The following MUC6 variants were observed in gnomAD, a reference collection of about 807,000 sequenced individuals.
MUC6 encodes the protein mucin 6, oligomeric mucus/gel-forming (gene/pseudogene), also known as mucin-6.
A neutral mutation model predicts 201.5 loss-of-function variants in MUC6; 188 were observed. That is an observed-to-expected ratio of 0.93 (90% CI 0.83 to 1.05). MUC6 has a LOEUF of 1.05. MUC6 is among the 50% of genes least tolerant of loss of function. The pLI is 0.00. For synonymous variants in MUC6, 1,228 were observed against 1,389.4 expected (o/e 0.88, Z 2.58); for missense variants, 2,706 against 3,256.9 (o/e 0.83, Z 4.12).
rs1177933332 is a variant in MUC6, at chr11:1,026,051, G to A, written c.2637C>T (p.Phe879=). Residue 879 remains phenylalanine, a synonymous_variant, in exon 21 of 33, where the codon TTC becomes TTT. Coordinates refer to ENST00000421673, the MANE Select transcript of MUC6 (RefSeq NM_005961.3). ...CGTCGAATACGAAGCGCTGGCCGTC[G>A]AAGGTGATGACGTGGCCCTCCCCGT... The part of the protein sequence containing the change: ...TLYGEGHVIT[F]DGQRFVFDGN... 5.0e-6 allele frequency: 8 copies of A among 1,593,488 alleles called. No homozygotes were observed. Among genetic ancestry groups the A allele is most frequent in the Admixed American group, 1.8e-5 (1 of 57,106 alleles).
rs138887092 is a variant in MUC6, at chr11:1,023,622, G to T, written c.3413C>A (p.Thr1138Lys). The T allele has an allele frequency of 3.1e-6, 5 of 1,612,964 alleles. No homozygotes were observed. The highest frequency in any genetic ancestry group is 3.3e-5 in the Admixed American group (2 of 60,024). ...PIYCGFYNTH[T>K]QDGHGEYQYT... is the part of the protein sequence containing the mutation. ...CTGGTACTCGCCATGGCCGTCCTGC[G>T]TGTGCGTGTTGTAGAAGCCGCAGTA... The change falls in exon 26 of 33, where the codon ACG (threonine) becomes AAG (lysine). Residue 1138 changes from threonine to lysine, a missense_variant. By Grantham distance (78) the Thr-to-Lys change is moderately conservative (BLOSUM62 -1). Transcript: ENST00000421673.
Position 1,026,136 on chromosome 11 carries a change from C to A in MUC6, c.2552G>T (p.Cys851Phe). The change falls in exon 21 of 33, where the codon TGC becomes TTC. Residue 851 changes from cysteine (C) to phenylalanine (F), a missense_variant. Coordinates refer to ENST00000421673, the MANE Select transcript of MUC6 (RefSeq NM_005961.3). ...CTGACAGGCCCACCTCCCCCTTGAGCAGGAGCTGTGGAGACAGCAGGTGTG... is the reference window on the plus strand; with the variant it reads ...CTGACAGGCCCACCTCCCCCTTGAGAAGGAGCTGTGGAGACAGCAGGTGTG... The part of the protein sequence containing the change: ...ELHTDCRTCS[C>F]SRGRWACQQG... 6.3e-7 allele frequency: 1 copy of A among 1,595,888 alleles called. No individual in the cohort carries two copies. The highest frequency in any genetic ancestry group is 8.5e-7 in the Non-Finnish European group (1 of 1,172,340).
In MUC6 at chr11:1,021,292, G is replaced by T; in HGVS notation, c.3527-15C>A. ...GTTGTAGCAGCCTAGGGTGGAGAAC[G>T]GCCAGGGTCTGTGTGACTGGTGGCC... On this transcript the variant is annotated splice_polypyrimidine_tract_variant and intron_variant, in intron 26 of 32. Transcript: ENST00000421673. 1 of 1,529,948 alleles carries T rather than the reference G, an allele frequency of 6.5e-7. No individual in the cohort carries two copies. Among genetic ancestry groups the T allele is most frequent in the Non-Finnish European group, 8.8e-7 (1 of 1,138,538 alleles). 94.8% of individuals were successfully genotyped at this position (1,529,948 alleles called of 1,614,324 possible).
intron 1 of MUC6, among the ~76,000 whole-genome samples, chr11:1,034,713 G>A (rs749499522): frequency 1.4e-4 from 22 of 152,320 alleles, no homozygotes; most frequent in Non-Finnish European, 1.8e-4. Flanking sequence ...TTCCGATGGG[G>A]GGTGGCACTT....
chr11:1,028,566 T>C, intron 13 of MUC6, 80 bp downstream of exon 13: 1 of 1,562,060 alleles, frequency 6.4e-7, no homozygotes, highest in East Asian at 2.4e-5. Flanking sequence ...GAACCTCTCT[T>C]GGACCTTTCT....
intron 1 of MUC6, among the ~76,000 whole-genome samples, chr11:1,034,299 G>C (rs1344439262): frequency 6.6e-6 from 1 of 152,238 alleles, no homozygotes; most frequent in Non-Finnish European, 1.5e-5. Flanking sequence ...TTTCTGATGG[G>C]TTGCACCTGG....
In MUC6 at chr11:1,030,617, A is replaced by G. The variant is rs1390845342; in HGVS notation, c.848T>C (p.Met283Thr). The G allele has an allele frequency of 2.6e-6, 4 of 1,540,254 alleles. No homozygotes were observed. Among genetic ancestry groups the G allele is most frequent in the Non-Finnish European group, 2.6e-6 (3 of 1,144,614 alleles). ...TLSEYSRQCS[M>T]VGQPVRRWRS... Reference sequence around the variant, plus strand: ...CCAGCGGCGGACCGGCTGGCCCACCATGCTGCACTGGCGGGAGTACTCCGA... The same window carrying G: ...CCAGCGGCGGACCGGCTGGCCCACCGTGCTGCACTGGCGGGAGTACTCCGA... Residue 283 changes from methionine (M) to threonine (T), a missense_variant, in exon 7 of 33, where the codon ATG becomes ACG. Physicochemically the swap from Met to Thr is moderately conservative, Grantham distance 81 (BLOSUM62 -1). This residue lies in a region of MUC6 where 1,850 missense variants were observed against 1,958.3 expected (regional missense o/e 0.94). Transcript: ENST00000421673.
chr11:1,018,873 G>T (rs1261660691), intron 30 of MUC6, 103 bp from the exon 31 acceptor site: 5 of 1,426,262 alleles, frequency 3.5e-6, no homozygotes, highest in South Asian at 1.4e-5. Flanking sequence ...TTGCCTGTCT[G>T]TGCCTCTGTT....
rs374567777 is a variant in MUC6, at chr11:1,026,422, G to A, written c.2451C>T (p.Ala817=). 215 of 1,608,600 alleles carry A rather than the reference G, an allele frequency of 1.3e-4. No homozygotes were observed. Among genetic ancestry groups the A allele is most frequent in the South Asian group, 3.7e-4 (34 of 90,740 alleles). Residue 817 remains alanine (A), a synonymous_variant, in exon 20 of 33, where the codon GCC becomes GCT. Coordinates refer to ENST00000421673, the MANE Select transcript of MUC6 (RefSeq NM_005961.3). ...CCTCGGGGGGCACACACTGCCCGTC[G>A]GCATTCTCGTAGAGGCCCTCGGCGC... is the stretch of plus-strand genomic sequence containing the variant. ...CVCAEGLYEN[A]DGQCVPPEEC...
At chr11:1,030,387 C>CCCCCCCCCCCCCCCCCTTTTGGGGGCCTT in intron 7 of MUC6, 52 bp from the exon 8 acceptor site, 1 of 1,444,170 alleles carries the variant, frequency 6.9e-7, no homozygotes, top group Non-Finnish European at 9.3e-7. Context: ...CCACCCCTCC[C>CCCCCCCCCCCCCCCCCTTTTGGGGGCCTT]TGCCCCACCC....
At position 1,030,580 on chromosome 11, in the gene MUC6, G is replaced by C. The variant is rs1857077478; in HGVS notation, c.885C>G (p.Gly295=). The change falls in exon 7 of 33, where the codon GGC becomes GGG. Residue 295 remains glycine, a synonymous_variant. Coordinates refer to ENST00000421673, the MANE Select transcript of MUC6 (RefSeq NM_005961.3). ...TCCCTTCCCTGGACTCACAGCACAGGCCGGGGCTCCGCCAGCGGCGGACCG... is the reference window on the plus strand; with the variant it reads ...TCCCTTCCCTGGACTCACAGCACAGCCCGGGGCTCCGCCAGCGGCGGACCG... ...GQPVRRWRSP[G]LCSVGQCPAN... is the part of the protein sequence containing the mutation. The C allele has an allele frequency of 1.3e-6, 2 of 1,512,492 alleles. No homozygotes were observed. Among genetic ancestry groups the C allele is most frequent in the African/African-American group, 2.7e-5 (2 of 73,104 alleles). The allele number at this position is 1,512,492 out of a possible 1,614,324, so 93.7% of individuals were successfully genotyped here.
rs1857083294 is a variant in MUC6, at chr11:1,030,789, G to T, written c.685-9C>A. ...TGGGTGCAGATCCGGGCCTGGGGGG[G>T]CCACTCAGGGTCATGGGGGCAAAGG... On this transcript the variant is annotated splice_polypyrimidine_tract_variant and intron_variant, in intron 6 of 32. Transcript: ENST00000421673. 4 of 1,534,882 alleles carry T rather than the reference G, an allele frequency of 2.6e-6. No homozygotes were observed. Among genetic ancestry groups the T allele is most frequent in the Non-Finnish European group, 3.5e-6 (4 of 1,146,066 alleles).
At chr11:1,020,381 G>C in intron 28 of MUC6, 124 bp from the exon 29 acceptor site, 2 of 1,306,984 alleles carry the variant, frequency 1.5e-6, no homozygotes, top group Non-Finnish European at 2.1e-6. Flanking sequence ...GTGCAGTTGA[G>C]GGCTGGCCTG....
In MUC6 at chr11:1,027,660, C is replaced by T. The variant is rs115887886; in HGVS notation, c.1981+25G>A. 10,978 of 1,584,278 alleles carry T rather than the reference C, an allele frequency of 6.9e-3. 587 individuals carry two copies. In the African/African-American group the frequency reaches 0.12, roughly 17 times the overall value. On this transcript the variant is annotated intron_variant, in intron 16 of 32. Transcript: ENST00000421673. ...TCGTGAGCCCAGCCTGCCGTGACCC[C>T]GCTTAAGCCCCGTCGGGCACTCACT...
Position 1,030,270 on chromosome 11 carries a change from A to C in MUC6, c.958T>G (p.Ser320Ala). ...CTGGAGCAGCTGTGCTGCGGGTTGG[A>C]GCAGGTCTTCACGCAGGCCGAGCCG... Reference protein sequence around the residue: ...ECGSACVKTCSNPQHSCSSSC... With the variant: ...ECGSACVKTCANPQHSCSSSC... The change falls in exon 8 of 33, where the codon TCC becomes GCC. Residue 320 changes from serine (S) to alanine (A), a missense_variant. Physicochemically the swap from Ser to Ala is moderately conservative, Grantham distance 99. This residue lies in a region of MUC6 where 1,850 missense variants were observed against 1,958.3 expected (regional missense o/e 0.94). Coordinates refer to ENST00000421673, the MANE Select transcript of MUC6 (RefSeq NM_005961.3). 6.5e-7 allele frequency: 1 copy of C among 1,550,062 alleles called. No individual in the cohort carries two copies. The highest frequency in any genetic ancestry group is 2.0e-5 in the Admixed American group (1 of 51,032).
Position 1,029,155 on chromosome 11 carries a change from G to C in MUC6, c.1276-5C>G. The C allele has an allele frequency of 6.2e-7, 1 of 1,610,216 alleles. No homozygotes were observed. Among genetic ancestry groups the C allele is most frequent in the Non-Finnish European group, 8.5e-7 (1 of 1,178,820 alleles). On this transcript the variant is annotated splice_region_variant and splice_polypyrimidine_tract_variant and intron_variant, in intron 10 of 32. Coordinates refer to ENST00000421673, the MANE Select transcript of MUC6 (RefSeq NM_005961.3). ...GTCCTCGGGAAGCTGGGGGCTCTGC[G>C]AGGGGGCGGGGCTCAGACACGGGTG...
chr11:1,030,729 A>G lies in MUC6; in HGVS notation c.736T>C (p.Ser246Pro). The G allele has an allele frequency of 1.3e-6, 2 of 1,543,596 alleles. No homozygotes were observed. The highest frequency in any genetic ancestry group is 1.7e-6 in the Non-Finnish European group (2 of 1,147,780). ...LTLVAPECSV[S>P]KEPFVLSCQA... ...CAGCTTAGCACGAAGGGCTCCTTGG[A>G]CACGCTGCACTCAGGGGCCACCAGG... Residue 246 changes from serine (S) to proline (P), a missense_variant, in exon 7 of 33, where the codon TCC becomes CCC. Ser to Pro is a moderately conservative substitution (Grantham distance 74). Coordinates refer to ENST00000421673, the MANE Select transcript of MUC6 (RefSeq NM_005961.3).
At position 1,033,841 on chromosome 11, in the gene MUC6, G is replaced by A. The variant is rs1221194705; in HGVS notation, c.53-766C>T. On this transcript the variant is annotated intron_variant, in intron 1 of 32. Transcript: ENST00000421673. This position sits in a 1 kb window ranked among gnomAD's most constrained non-coding sequence, Gnocchi z 5.6. ...CCTGTGGCTCCCACGAGCCCCCGAT[G>A]TCTGAGTGGTGGTGCGGCACCTGAG... Among the ~76,000 whole-genome samples the A allele has an allele frequency of 6.6e-6, 1 of 151,906 alleles. No homozygotes were observed. The highest frequency in any genetic ancestry group is 1.5e-5 in the Non-Finnish European group (1 of 67,948).
chr11:1,023,600 G>C lies in MUC6; in HGVS notation c.3435C>G (p.Tyr1145Ter), dbSNP rs1337648629. 10 of 1,613,230 alleles carry C rather than the reference G, an allele frequency of 6.2e-6. No homozygotes were observed. Among genetic ancestry groups the C allele is most frequent in the Non-Finnish European group, 8.5e-6 (10 of 1,179,846 alleles). ...NTHTQDGHGEYQYTQEANCTW... is the reference protein window; with the variant it reads ...NTHTQDGHGE ...TGCAGTTGGCCTCCTGTGTGTACTGGTACTCGCCATGGCCGTCCTGCGTGT... is the reference window on the plus strand; with the variant it reads ...TGCAGTTGGCCTCCTGTGTGTACTGCTACTCGCCATGGCCGTCCTGCGTGT... The change falls in exon 26 of 33, where the codon TAC (tyrosine) becomes TAG (stop). Residue 1145 changes from tyrosine (Y) to a stop codon, truncating the protein, a stop_gained. Transcript: ENST00000421673. LOFTEE classifies it high-confidence loss of function.
Sources: gnomAD v4.1 joint callset for allele counts (sites outside exome capture counted in the v4.1 genomes callset) on GRCh38, gnomAD v4.1.1 for gene constraint, gnomAD v4.1.1 regional missense constraint, Gnocchi (gnomAD v3.1) non-coding constraint, MANE v1.5 for transcripts, NCBI Gene and HGNC (gene_info 2026-07-23, HGNC 2026-07-21) for gene names.